ARMH3: variants seen among roughly 807,000 people sequenced by gnomAD.
ARMH3 encodes the protein armadillo-like helical domain-containing protein 3.
In ARMH3, 60 loss-of-function variants were observed where a neutral mutation model predicts 99.1. The ratio of observed to expected loss-of-function variants is 0.61; its 90% CI spans 0.49 to 0.75. The LOEUF is 0.75. Ranked by LOEUF, ARMH3 falls within the 30% of genes least tolerant of loss-of-function variation. The probability of loss-of-function intolerance (pLI) is 0.00; values close to 1 mark genes in which losing one functional copy is unlikely to be tolerated. For missense variants in ARMH3, 679 were observed against 843.1 expected (o/e 0.81, Z 2.41); for synonymous variants, 285 against 292.8 (o/e 0.97, Z 0.27).
At chr10:101,886,098 G>A (rs2067534677) in intron 24 of ARMH3, among the ~76,000 whole-genome samples, 2 of 151,042 alleles carry the variant, frequency 1.3e-5, no homozygotes. Flanking sequence ...TTTATGTTAT[G>A]TATATTCTAC....
chr10:102,009,548 T>C, intron 12 of ARMH3, 99 bp from the exon 13 acceptor site: 1 of 1,026,556 alleles, frequency 9.7e-7, no homozygotes, highest in Admixed American at 2.0e-5. Flanking sequence ...CAGCGCCTCA[T>C]TATCAATTCC....
At chr10:102,055,219 C>T (rs1490551487) in intron 1 of ARMH3, among the ~76,000 whole-genome samples, 2 of 151,908 alleles carry the variant, frequency 1.3e-5, no homozygotes, top group Admixed American at 6.6e-5. Context: ...ATCGCTTGAA[C>T]CCCGGAGGCA....
chr10:101,957,805 A>G (rs1413857206), intron 20 of ARMH3, 73 bp from the exon 21 acceptor site: 3 of 1,491,810 alleles, frequency 2.0e-6, no homozygotes, highest in African/African-American at 1.4e-5. Context: ...AAAACAGACT[A>G]GCTCTAAAAA....
At chr10:101,875,195 C>CT (rs949483335) in intron 24 of ARMH3, among the ~76,000 whole-genome samples, 26 of 151,688 alleles carry the variant, frequency 1.7e-4, no homozygotes, top group African/African-American at 5.8e-4. Flanking sequence ...AGAATTGGTT[C>CT]TTTTTTTCCA....
At chr10:102,036,410 G>A (rs552649601) in intron 2 of ARMH3, among the ~76,000 whole-genome samples, 2 of 152,164 alleles carry the variant, frequency 1.3e-5, no homozygotes, top group African/African-American at 2.4e-5. Context: ...CCATGATGAC[G>A]ATGGCGGTTT....
chr10:101,943,998 A>G (rs1844359917), intron 22 of ARMH3, among the ~76,000 whole-genome samples: 1 of 149,626 alleles, frequency 6.7e-6, no homozygotes, highest in African/African-American at 2.5e-5. Context: ...TGGGAGGCGG[A>G]GCTTGCAGTG....
chr10:101,851,468 G>C (rs1011985286), intron 24 of ARMH3, among the ~76,000 whole-genome samples: 4 of 152,146 alleles, frequency 2.6e-5, no homozygotes. Context: ...GAGCTTGGAG[G>C]AATTAGTGAG....
chr10:101,925,265 G>T (rs936758811), intron 23 of ARMH3, among the ~76,000 whole-genome samples: 1 of 152,198 alleles, frequency 6.6e-6, no homozygotes, highest in African/African-American at 2.4e-5. Context: ...CTTGTAATCT[G>T]AGCTACATAT....
rs749477938 is a variant in ARMH3, at chr10:102,056,136, T to C, written c.-63A>G. ...CCGCGCCGTTCCCGGGCCCGCTCGC[T>C]CTCGACGCCACCGACGCTGCCGCTG... is the stretch of plus-strand genomic sequence containing the variant. On this transcript the variant is annotated 5_prime_UTR_variant, in exon 1 of 26. Transcript: ENST00000370033. 1 of 152,196 alleles carries C rather than the reference T, an allele frequency of 6.6e-6. No homozygotes were observed. The highest frequency in any genetic ancestry group is 2.1e-4 in the South Asian group (1 of 4,854). 9.4% of individuals were successfully genotyped at this position (152,196 alleles called of 1,614,324 possible). A position where few individuals can be genotyped will look rare whatever the true frequency, so the allele number is the denominator to read the frequency against.
chr10:102,029,392 TAATAA>T, intron 5 of ARMH3: 9 of 1,403,048 alleles, frequency 6.4e-6, no homozygotes, highest in South Asian at 1.4e-5. Context: ...ATGATACGAG[TAATAA>T]AATAAACTAT....
At chr10:101,882,315 A>C (rs982436629) in intron 24 of ARMH3, among the ~76,000 whole-genome samples, 3 of 152,172 alleles carry the variant, frequency 2.0e-5, no homozygotes, top group Non-Finnish European at 4.4e-5. Flanking sequence ...GCTCTAGAAA[A>C]TCTTCTGTAA....
At chr10:101,955,437 TGCAC>T (rs1397900012) in intron 22 of ARMH3, among the ~76,000 whole-genome samples, 2 of 152,220 alleles carry the variant, frequency 1.3e-5, no homozygotes, top group African/African-American at 4.8e-5. Flanking sequence ...AGGCCCTACT[TGCAC>T]TGCCTAAGAC....
Position 102,011,737 on chromosome 10 carries a change from C to T in ARMH3, c.817G>A (p.Ala273Thr), listed in dbSNP as rs775893102. The change falls in exon 11 of 26, where the codon GCT becomes ACT. Residue 273 changes from alanine to threonine, a missense_variant. Physicochemically the swap from Ala to Thr is moderately conservative, Grantham distance 58. Transcript: ENST00000370033. ...GCAGGACTTACCATATTTGTTAAAG[C>T]AGAGAAAAAACCACTTTGGTGTTCT... ...EEEHQSGFFS[A>T]LTNMVGSMFI... 3 of 1,606,976 alleles carry T rather than the reference C, an allele frequency of 1.9e-6. No homozygotes were observed. The East Asian group carries it at 6.7e-5, about 36-fold the overall frequency.
At chr10:101,975,322 AT>A in intron 19 of ARMH3, 22 bp from the exon 20 acceptor site, 1 of 1,594,176 alleles carries the variant, frequency 6.3e-7, no homozygotes. Flanking sequence ...AAAGCAAAAA[AT>A]GAGGGTAAGC....
intron 18 of ARMH3, among the ~76,000 whole-genome samples, 171 bp from the exon 19 acceptor site, chr10:101,990,782 T>C (rs954685077): frequency 6.6e-6 from 1 of 152,226 alleles, no homozygotes; most frequent in Non-Finnish European, 1.5e-5. Context: ...TGTAACACTG[T>C]TCACCACCTG....
intron 24 of ARMH3, among the ~76,000 whole-genome samples, chr10:101,853,652 G>A (rs973680323): frequency 6.6e-6 from 1 of 152,116 alleles, no homozygotes; most frequent in East Asian, 1.9e-4. Context: ...TTCTTTCATC[G>A]GCCGTTGGGC....
At chr10:102,040,979 G>T (rs2067396659) in intron 1 of ARMH3, among the ~76,000 whole-genome samples, 1 of 151,224 alleles carries the variant, frequency 6.6e-6, no homozygotes, top group Non-Finnish European at 1.5e-5. Flanking sequence ...TCTGGAAAGA[G>T]ACCCAAGGCA....
chr10:102,020,871 A>G (rs2066869935), intron 8 of ARMH3, among the ~76,000 whole-genome samples: 1 of 150,108 alleles, frequency 6.7e-6, no homozygotes, highest in African/African-American at 2.4e-5. Context: ...AAAAAAGTCT[A>G]TAGTAGTATA....
chr10:101,855,302 A>G (rs1408640906), intron 24 of ARMH3, among the ~76,000 whole-genome samples: 1 of 147,898 alleles, frequency 6.8e-6, no homozygotes, highest in African/African-American at 2.5e-5. Flanking sequence ...TCCTGACCTC[A>G]GGTGATCCAC....
Sources: gnomAD v4.1 joint callset for allele counts (sites outside exome capture counted in the v4.1 genomes callset) on GRCh38, gnomAD v4.1.1 for gene constraint, MANE v1.5 for transcripts, NCBI Gene and HGNC (gene_info 2026-07-23, HGNC 2026-07-21) for gene names.